Variants in DYNC2I1 observed in about 807,000 individuals in gnomAD.
DYNC2I1 encodes dynein 2 intermediate chain 1.
DYNC2I1 carries 89 observed loss-of-function variants against 133.4 expected under a neutral mutation model. That is an observed-to-expected ratio of 0.67 (90% CI 0.56 to 0.80). DYNC2I1 has a LOEUF of 0.80. DYNC2I1 is among the 30% of genes least tolerant of loss of function. The pLI is 0.00. For synonymous variants in DYNC2I1, 504 were observed against 484.3 expected (o/e 1.04, Z -0.54); for missense variants, 1,291 against 1,314.5 (o/e 0.98, Z 0.28).
rs542991015 is a variant in DYNC2I1 at position 158,891,114 on chromosome 7, C to T, written c.991-151C>T. On this transcript the variant is annotated intron_variant, in intron 7 of 24. Coordinates refer to ENST00000407559, the MANE Select transcript of DYNC2I1 (RefSeq NM_018051.5). ...CAGTTTGTCAGCCACCAGGCTGGGA[C>T]CTGCATCCCAGAGCGTTAGTTTCGT... 5.2e-6 allele frequency: 4 copies of T among 770,694 alleles called. No homozygotes were observed. In the South Asian group the frequency reaches 6.4e-5, roughly 12 times the overall value. 47.7% of individuals were successfully genotyped at this position (770,694 alleles called of 1,614,324 possible). A position where few individuals can be genotyped will look rare whatever the true frequency, so the allele number is the denominator to read the frequency against.
intron 6 of DYNC2I1, among the ~76,000 whole-genome samples, chr7:158,886,071 A>G (rs947297040): frequency 2.7e-5 from 4 of 149,248 alleles, no homozygotes; most frequent in Admixed American, 6.7e-5. Context: ...TATATCTTTT[A>G]TATTTAATAT....
intron 7 of DYNC2I1, among the ~76,000 whole-genome samples, chr7:158,889,562 G>A (rs529568401): frequency 6.6e-6 from 1 of 151,978 alleles, no homozygotes; most frequent in East Asian, 1.9e-4. Context: ...CTCCAGGTTG[G>A]CATTGTTAAC....
chr7:158,926,117 CT>C lies in DYNC2I1; in HGVS notation c.2258-69del, dbSNP rs1849593876. On this transcript the variant is annotated intron_variant, in intron 17 of 24. Transcript: ENST00000407559. ...ACCCAGAAGCACCTCGTGTTTGTCC[CT>C]GTGTGATGCGAACTGCATTTCTTCA... 5 of 1,227,172 alleles carry C rather than the reference CT, an allele frequency of 4.1e-6. No individual in the cohort carries two copies. In the East Asian group the frequency reaches 1.2e-4, roughly 31 times the overall value. 76.0% of individuals were successfully genotyped at this position (1,227,172 alleles called of 1,614,324 possible). A position where few individuals can be genotyped will look rare whatever the true frequency, so the allele number is the denominator to read the frequency against.
chr7:158,848,038 A>G, the DYNC2I1 span, among the ~76,000 whole-genome samples: 1 of 152,214 alleles, frequency 6.6e-6, no homozygotes, highest in Non-Finnish European at 1.5e-5. Context: ...AGTATCTTCA[A>G]ATGCTACAGA....
chr7:158,844,276 C>CTCTTG, the DYNC2I1 span, among the ~76,000 whole-genome samples: 2 of 152,136 alleles, frequency 1.3e-5, no homozygotes, highest in Non-Finnish European at 2.9e-5. Context: ...TTCCTCTCCT[C>CTCTTG]TCTTGTGTTC....
chr7:158,868,967 G>A (rs1335803272), intron 1 of DYNC2I1, among the ~76,000 whole-genome samples: 1 of 152,218 alleles, frequency 6.6e-6, no homozygotes, highest in Non-Finnish European at 1.5e-5. Context: ...TGCTGTTGCT[G>A]TGTAAGAGGC....
rs550204903 is a variant in DYNC2I1, at chr7:158,869,419, C to T, written c.16-436C>T. ...CATTGTCCTGGGAGGCCCATGATACCTTCTGTCCTGGGTTGAGCCCAGCGG... is the reference window on the plus strand; with the variant it reads ...CATTGTCCTGGGAGGCCCATGATACTTTCTGTCCTGGGTTGAGCCCAGCGG... On this transcript the variant is annotated intron_variant, in intron 1 of 24. Transcript: ENST00000407559. 2.1e-4 allele frequency: 99 copies of T among 470,666 alleles called. 1 individual carries two copies. The highest frequency in any genetic ancestry group is 3.9e-4 in the Non-Finnish European group (88 of 226,780). 29.2% of individuals were successfully genotyped at this position (470,666 alleles called of 1,614,324 possible).
downstream of DYNC2I1, among the ~76,000 whole-genome samples, chr7:158,950,224 C>T (rs142816564): frequency 1.2e-3 from 185 of 152,294 alleles, no homozygotes; most frequent in Non-Finnish European, 2.2e-3. Context: ...CCACCACACT[C>T]GGCTGATTTT....
chr7:158,936,929 A>G (rs1850817004), intron 23 of DYNC2I1, among the ~76,000 whole-genome samples: 1 of 152,208 alleles, frequency 6.6e-6, no homozygotes, highest in South Asian at 2.1e-4. Context: ...AAACCAAAAC[A>G]AGCTGGACAG....
chr7:158,899,072 A>C (rs1845999808), intron 8 of DYNC2I1, among the ~76,000 whole-genome samples: 1 of 152,212 alleles, frequency 6.6e-6, no homozygotes, highest in South Asian at 2.1e-4. Flanking sequence ...TAAAATCTGC[A>C]AACGCTCAAG....
rs1226436507 is a variant in DYNC2I1, at chr7:158,922,647, G to GT, written c.2094+98_2094+99insT. 4.0e-6 allele frequency: 5 copies of GT among 1,240,212 alleles called. No individual in the cohort carries two copies. In the Admixed American group the frequency reaches 8.9e-5, roughly 22 times the overall value. The allele number at this position is 1,240,212 out of a possible 1,614,324, so 76.8% of individuals were successfully genotyped here. On this transcript the variant is annotated intron_variant, in intron 16 of 24. Transcript: ENST00000407559. The stretch of plus-strand genomic sequence containing the variant: ...GGAGAGTCACGGAGAGAGGTGCAGG[G>GT]ACAGGAGGTGGGTAGGGACTTATGG...
intron 4 of DYNC2I1, among the ~76,000 whole-genome samples, chr7:158,955,920 G>A (rs890450483): frequency 5.9e-5 from 9 of 152,188 alleles, no homozygotes; most frequent in South Asian, 2.1e-4. Flanking sequence ...GCCTGGTGTC[G>A]CCCCAGGGGT....
Position 158,911,677 on chromosome 7 carries a change from C to G in DYNC2I1, c.1588C>G (p.Gln530Glu), listed in dbSNP as rs1847494687. The G allele has an allele frequency of 1.2e-6, 2 of 1,609,338 alleles. No individual in the cohort carries two copies. The highest frequency in any genetic ancestry group is 1.7e-6 in the Non-Finnish European group (2 of 1,178,524). The change falls in exon 12 of 25, where the codon CAG (glutamine) becomes GAG (glutamate). Residue 530 changes from glutamine (Q) to glutamate (E), a missense_variant and splice_region_variant. By Grantham distance (29) the Gln-to-Glu change is conservative. Coordinates refer to ENST00000407559, the MANE Select transcript of DYNC2I1 (RefSeq NM_018051.5). ...IRNFGKKNTK[Q>E]AYVQCNEDNV... ...AAACTTTGGGAAAAAAAATACCAAG[C>G]AGGTAAGTATGAGATGTGTTAACTA... is the stretch of plus-strand genomic sequence containing the variant.
At position 158,876,664 on chromosome 7, in the gene DYNC2I1, T is replaced by C. The variant is rs1158397632; in HGVS notation, c.546T>C (p.Asp182=). The change falls in exon 4 of 25, where the codon GAT becomes GAC. Residue 182 remains aspartate, a synonymous_variant. Coordinates refer to ENST00000407559, the MANE Select transcript of DYNC2I1 (RefSeq NM_018051.5). ...KDEDSERGDE[D]RERRYRERKL... ...AAGACTCTGAAAGAGGAGATGAAGA[T>C]AGAGAAAGAAGATACCGAGAAAGAA... 6.3e-7 allele frequency: 1 copy of C among 1,578,432 alleles called. No individual in the cohort carries two copies. Among genetic ancestry groups the C allele is most frequent in the Non-Finnish European group, 8.6e-7 (1 of 1,169,342 alleles).
Position 158,879,689 on chromosome 7 carries a change from G to C in DYNC2I1, c.579G>C (p.Gln193His). The C allele has an allele frequency of 6.3e-7, 1 of 1,579,172 alleles. No individual in the cohort carries two copies. Among genetic ancestry groups the C allele is most frequent in the Non-Finnish European group, 8.6e-7 (1 of 1,167,824 alleles). Reference protein sequence around the residue: ...RERRYRERKLQYGDSKDNPLK... With the variant: ...RERRYRERKLHYGDSKDNPLK... ...CAGCTTGTCGTGTTTTACAGCTGCA[G>C]TACGGAGACAGCAAGGACAACCCTC... The change falls in exon 5 of 25, where the codon CAG becomes CAC. Residue 193 changes from glutamine (Q) to histidine (H), a missense_variant. Physicochemically the swap from Gln to His is conservative, Grantham distance 24. Coordinates refer to ENST00000407559, the MANE Select transcript of DYNC2I1 (RefSeq NM_018051.5).
intron 1 of DYNC2I1, 32 bp downstream of exon 1, chr7:158,856,782 G>T (rs1295119344): frequency 1.6e-6 from 2 of 1,233,464 alleles, no homozygotes; most frequent in Non-Finnish European, 2.0e-6. Context: ...GGCGAGGGGT[G>T]GTCGAGCTTC....
At chr7:158,839,678 G>A in the DYNC2I1 span, among the ~76,000 whole-genome samples, 133 of 152,302 alleles carry the variant, frequency 8.7e-4, 1 homozygote, top group African/African-American at 3.1e-3. Flanking sequence ...AAATTAGCAG[G>A]GCGTGGTGGC....
intron 14 of DYNC2I1, among the ~76,000 whole-genome samples, chr7:158,916,937 T>G (rs67011460): frequency 8.4e-3 from 87 of 10,316 alleles, no homozygotes; most frequent in Middle Eastern, 0.029. Context: ...GTGAAACGTC[T>G]ACACGCTGGT....
intron 15 of DYNC2I1, among the ~76,000 whole-genome samples, chr7:158,920,791 G>A (rs1272974794): frequency 6.6e-6 from 1 of 152,196 alleles, no homozygotes; most frequent in Admixed American, 6.5e-5. Flanking sequence ...CTCACCCTGC[G>A]AATCCAGAAT....
Sources: allele counts gnomAD v4.1 joint callset (sites outside exome capture counted in the v4.1 genomes callset), GRCh38; gene constraint gnomAD v4.1.1; transcripts MANE v1.5; gene names NCBI Gene and HGNC (gene_info 2026-07-23, HGNC 2026-07-21).